Variants in PTPRD observed in about 807,000 individuals in gnomAD.
PTPRD encodes the protein receptor-type tyrosine-protein phosphatase delta.
A neutral mutation model predicts 214.5 loss-of-function variants in PTPRD; 34 were observed. That is an observed-to-expected ratio of 0.16 (90% CI 0.12 to 0.21). The LOEUF is 0.21. PTPRD is among the 10% of genes least tolerant of loss of function. The probability of loss-of-function intolerance (pLI) is 1.00; values close to 1 mark genes in which losing one functional copy is unlikely to be tolerated. For synonymous variants in PTPRD, 1,128 were observed against 845.7 expected (o/e 1.33, Z -5.79); for missense variants, 2,545 against 2,398.7 (o/e 1.06, Z -1.27).
intron 10 of PTPRD, among the ~76,000 whole-genome samples, chr9:9,160,197 G>A (rs1592655717): frequency 6.6e-6 from 1 of 152,180 alleles, no homozygotes; most frequent in East Asian, 1.9e-4. Flanking sequence ...AAATGGGATT[G>A]TATCAAACTA....
At chr9:8,342,003 G>A (rs943156133) in intron 39 of PTPRD, 25 bp from the exon 40 acceptor site, 3 of 1,564,452 alleles carry the variant, frequency 1.9e-6, no homozygotes, top group African/African-American at 1.4e-5. Context: ...GAGAAGAAAA[G>A]CCCAAATAAA....
chr9:10,059,076 A>C (rs2154165536), intron 3 of PTPRD, among the ~76,000 whole-genome samples: 1 of 152,276 alleles, frequency 6.6e-6, no homozygotes, highest in African/African-American at 2.4e-5. Flanking sequence ...AAAGTGGATC[A>C]GTGAGAATGT....
At chr9:9,556,240 G>A (rs2081477923) in intron 8 of PTPRD, among the ~76,000 whole-genome samples, 1 of 152,146 alleles carries the variant, frequency 6.6e-6, no homozygotes, top group Non-Finnish European at 1.5e-5. Flanking sequence ...TTACTGTTAA[G>A]TGAAAGTGGA....
At chr9:8,763,517 A>C (rs538777367) in intron 11 of PTPRD, among the ~76,000 whole-genome samples, 11 of 151,958 alleles carry the variant, frequency 7.2e-5, no homozygotes, top group Non-Finnish European at 1.0e-4. Flanking sequence ...GGTCTCAAAA[A>C]AATAAAGGCA....
chr9:8,874,405 G>A (rs773964706), intron 11 of PTPRD, among the ~76,000 whole-genome samples: 22 of 152,116 alleles, frequency 1.4e-4, no homozygotes, highest in Non-Finnish European at 2.9e-4. Flanking sequence ...AAATGAACCT[G>A]GGAGAGACAG....
rs139956893 is a variant in PTPRD, at chr9:8,423,933, C to G, written c.4086+12659G>C. Among the ~76,000 whole-genome samples the G allele has an allele frequency of 5.7e-4, 87 of 152,144 alleles. 2 individuals carry two copies. In the East Asian group the frequency reaches 0.014, roughly 25 times the overall value. ...ATGAATTATTTCTAGCCCAACTAAT[C>G]AAATATATTTTTCTGTTTGACAAGC... is the stretch of plus-strand genomic sequence containing the variant. On this transcript the variant is annotated intron_variant, in intron 35 of 45. Coordinates refer to ENST00000381196, the MANE Select transcript of PTPRD (RefSeq NM_002839.4).
intron 11 of PTPRD, among the ~76,000 whole-genome samples, chr9:8,958,274 G>A (rs1257326813): frequency 1.3e-5 from 2 of 151,838 alleles, no homozygotes; most frequent in East Asian, 1.9e-4. Flanking sequence ...TCTGAACAAG[G>A]AAGATGTGGG....
intron 21 of PTPRD, among the ~76,000 whole-genome samples, chr9:8,511,206 G>C (rs7864841): frequency 0.21 from 31,903 of 151,922 alleles, 3,601 homozygotes; most frequent in African/African-American, 0.28. Flanking sequence ...GTAGCTGAGA[G>C]TACAGGTGTG....
chr9:10,602,498 T>C (rs998468395), intron 2 of PTPRD, among the ~76,000 whole-genome samples: 1 of 151,824 alleles, frequency 6.6e-6, no homozygotes, highest in African/African-American at 2.4e-5. Context: ...CCATGAGTTA[T>C]GTTGTAACTC....
chr9:8,483,959 C>T (rs527921881), intron 30 of PTPRD, among the ~76,000 whole-genome samples, 160 bp downstream of exon 30: 4 of 152,282 alleles, frequency 2.6e-5, no homozygotes, highest in East Asian at 1.9e-4. Context: ...TACTAGGACA[C>T]GTTGTAAAAG....
At chr9:9,447,256 G>A (rs1048451605) in intron 8 of PTPRD, among the ~76,000 whole-genome samples, 5 of 152,040 alleles carry the variant, frequency 3.3e-5, no homozygotes, top group Non-Finnish European at 5.9e-5. Context: ...CAAAGACATG[G>A]AATCAACCTA....
chr9:9,742,686 T>C (rs564706001), intron 6 of PTPRD, among the ~76,000 whole-genome samples: 3 of 152,102 alleles, frequency 2.0e-5, no homozygotes, highest in African/African-American at 7.2e-5. Flanking sequence ...TGTTCCTTCC[T>C]TCATCTCAAA....
chr9:8,831,495 CTACA>C (rs906840572), intron 11 of PTPRD, among the ~76,000 whole-genome samples: 4 of 152,006 alleles, frequency 2.6e-5, no homozygotes, highest in Non-Finnish European at 5.9e-5. Flanking sequence ...ATTATACAGT[CTACA>C]TACAATTAAA....
intron 11 of PTPRD, among the ~76,000 whole-genome samples, chr9:8,813,034 A>C (rs2096844245): frequency 7.4e-6 from 1 of 134,314 alleles, no homozygotes; most frequent in Non-Finnish European, 1.7e-5. Flanking sequence ...CTGAGAAAAT[A>C]GGATCTACAC....
intron 3 of PTPRD, among the ~76,000 whole-genome samples, chr9:10,200,523 G>A (rs982460736): frequency 7.2e-5 from 11 of 152,062 alleles, no homozygotes; most frequent in African/African-American, 2.4e-4. Flanking sequence ...AATGCTAGAT[G>A]TTTACATCAT....
chr9:9,091,186 C>A (rs1175835140), intron 10 of PTPRD: 4 of 1,528,198 alleles, frequency 2.6e-6, no homozygotes, highest in Non-Finnish European at 3.6e-6. Flanking sequence ...GGACCGAACA[C>A]CCCCACCCCG....
intron 3 of PTPRD, among the ~76,000 whole-genome samples, chr9:10,118,438 T>C (rs1321735577): frequency 6.6e-6 from 1 of 151,630 alleles, no homozygotes; most frequent in Non-Finnish European, 1.5e-5. Flanking sequence ...TGTCCTGGTG[T>C]TAAAAAATAA....
chr9:9,395,210 T>C (rs2067347229), intron 9 of PTPRD, among the ~76,000 whole-genome samples: 1 of 148,404 alleles, frequency 6.7e-6, no homozygotes. Flanking sequence ...AAGTATGGGG[T>C]CTAATAGGTC....
chr9:8,531,042 T>C (rs528167649), intron 14 of PTPRD, among the ~76,000 whole-genome samples: 11 of 152,206 alleles, frequency 7.2e-5, no homozygotes, highest in African/African-American at 2.6e-4. Context: ...TAAACACACT[T>C]ATAAAAATAA....
Sources: gnomAD v4.1 joint callset for allele counts (sites outside exome capture counted in the v4.1 genomes callset) on GRCh38, gnomAD v4.1.1 for gene constraint, MANE v1.5 for transcripts, NCBI Gene and HGNC (gene_info 2026-07-23, HGNC 2026-07-21) for gene names.